The following EVC variants were observed in gnomAD, a reference collection of about 807,000 sequenced individuals.
EVC encodes the protein evC complex member EVC.
In EVC, 116 loss-of-function variants were observed where a neutral mutation model predicts 118.9. The ratio of observed to expected loss-of-function variants is 0.98; its 90% CI spans 0.84 to 1.14. EVC has a LOEUF of 1.14. Among genes scored for constraint, EVC ranks in the 50% most tolerant of loss-of-function variants. The pLI is 0.00. For missense variants in EVC, 1,401 were observed against 1,246.4 expected (o/e 1.12, Z -1.87); for synonymous variants, 619 against 534.7 (o/e 1.16, Z -2.18).
chr4:5,762,050 C>A, intron 11 of EVC, among the ~76,000 whole-genome samples: 1 of 82,208 alleles, frequency 1.2e-5, no homozygotes, highest in East Asian at 5.0e-4. Flanking sequence ...TATCCCTCCC[C>A]CCACCCCCAC....
rs144934860 is a variant in EVC, at chr4:5,730,482, C to T, written c.385-943C>T. Among the ~76,000 whole-genome samples the T allele has an allele frequency of 6.7e-3, 943 of 141,628 alleles. 15 individuals carry two copies. The highest frequency in any genetic ancestry group is 0.023 in the African/African-American group (896 of 39,568). 92.9% of individuals were successfully genotyped at this position (141,628 alleles called of 152,430 possible). ...TCCTTCACGTGGTTGAAGGGTGGGA[C>T]GGGTGGGTGGATGAAGGGCATTTCT... On this transcript the variant is annotated intron_variant, in intron 3 of 20. Transcript: ENST00000264956.
At chr4:5,751,966 A>G (rs1230280055) in intron 8 of EVC, among the ~76,000 whole-genome samples, 1 of 152,122 alleles carries the variant, frequency 6.6e-6, no homozygotes, top group Non-Finnish European at 1.5e-5. Flanking sequence ...CAGGGCAGCA[A>G]CAGGAGGGTT....
chr4:5,808,132 T>TGCCGGG (rs2152386538), intron 17 of EVC, 69 bp from the exon 18 acceptor site: 1 of 464,752 alleles, frequency 2.2e-6, no homozygotes, highest in Non-Finnish European at 4.1e-6. Flanking sequence ...GCCTTCCTTC[T>TGCCGGG]CCCTCCCTCC....
the EVC span, chr4:5,828,594 G>C: frequency 6.2e-7 from 1 of 1,614,164 alleles, no homozygotes; most frequent in East Asian, 2.2e-5. Context: ...CTTCAAAGAC[G>C]ATCTTGCCCT....
At position 5,745,332 on chromosome 4, in the gene EVC, A is replaced by G. The variant is rs776792609; in HGVS notation, c.930A>G (p.Leu310=). ...EKKEREYSEQ[L]IDNMEAFWKQ... ...AGGAGAGAGAATACTCTGAACAGCT[A>G]ATCGATAATGTGCGTGCCAGACTTT... The change falls in exon 7 of 21, where the codon CTA becomes CTG. Residue 310 remains leucine, a synonymous_variant. Coordinates refer to ENST00000264956, the MANE Select transcript of EVC (RefSeq NM_153717.3). The G allele has an allele frequency of 1.2e-6, 2 of 1,613,966 alleles. No individual in the cohort carries two copies. Among genetic ancestry groups the G allele is most frequent in the Non-Finnish European group, 1.7e-6 (2 of 1,179,922 alleles).
Position 5,783,777 on chromosome 4 carries a change from G to C in EVC, c.1776+13G>C. 6.3e-7 allele frequency: 1 copy of C among 1,595,614 alleles called. No individual in the cohort carries two copies. On this transcript the variant is annotated intron_variant, in intron 12 of 20. Coordinates refer to ENST00000264956, the MANE Select transcript of EVC (RefSeq NM_153717.3). ...GCAAGACCAGCAGGTGCGGGCATTTGGGAACCCAGGGGCTGGGGTCTGCAT... is the reference window on the plus strand; with the variant it reads ...GCAAGACCAGCAGGTGCGGGCATTTCGGAACCCAGGGGCTGGGGTCTGCAT...
intron 5 of EVC, among the ~76,000 whole-genome samples, chr4:5,739,619 G>A (rs758236609): frequency 6.6e-6 from 1 of 152,200 alleles, no homozygotes; most frequent in Admixed American, 6.5e-5. Flanking sequence ...ATCTGGCCAT[G>A]TCCTTCTTTT....
Position 5,804,859 on chromosome 4 carries a change from G to A in EVC, c.2561+18G>A, listed in dbSNP as rs778486384. 20 of 1,596,228 alleles carry A rather than the reference G, an allele frequency of 1.3e-5. No individual in the cohort carries two copies. The highest frequency in any genetic ancestry group is 1.5e-5 in the Non-Finnish European group (18 of 1,164,232). ...CACCAGAGGTGAGGTCCCAACTGAG[G>A]TCCCACGTAGGGCTGTTCTCTACCC... On this transcript the variant is annotated intron_variant, in intron 17 of 20. Coordinates refer to ENST00000264956, the MANE Select transcript of EVC (RefSeq NM_153717.3).
At position 5,743,843 on chromosome 4, in the gene EVC, A is replaced by G. The variant is rs992448678; in HGVS notation, c.802-1361A>G. ...TGTTATTTTTGTTTTACAGCTGAAG[A>G]AACTGAGACTCCATAAGTTCAAATG... is the stretch of plus-strand genomic sequence containing the variant. On this transcript the variant is annotated intron_variant, in intron 6 of 20. Transcript: ENST00000264956. This position sits in a 1 kb window ranked among gnomAD's most constrained non-coding sequence, Gnocchi z 4.7. Among the ~76,000 whole-genome samples, 7 of 152,236 alleles carry G rather than the reference A, an allele frequency of 4.6e-5. No homozygotes were observed. The highest frequency in any genetic ancestry group is 1.4e-4 in the African/African-American group (6 of 41,464).
chr4:5,719,328 G>A lies in EVC; in HGVS notation c.255G>A (p.Arg85=). The A allele has an allele frequency of 1.2e-6, 2 of 1,614,204 alleles. No homozygotes were observed. The highest frequency in any genetic ancestry group is 1.7e-6 in the Non-Finnish European group (2 of 1,180,036). Reference sequence around the variant, plus strand: ...CGGAAACTGGCTCCCCATCAAGGAGGAGGAAGAGAGAAGTGCAGATGTCGA... The same window carrying A: ...CGGAAACTGGCTCCCCATCAAGGAGAAGGAAGAGAGAAGTGCAGATGTCGA... ...TPSETGSPSR[R]RKREVQMSKD... The change falls in exon 2 of 21, where the codon AGG becomes AGA. Residue 85 remains arginine, a synonymous_variant. Transcript: ENST00000264956. The surrounding 1 kb of genome is among the most constrained non-coding windows in gnomAD (Gnocchi z 4.7).
chr4:5,798,940 CT>C lies in EVC; in HGVS notation c.2304+149del. 1.1e-6 allele frequency: 1 copy of C among 899,542 alleles called. No homozygotes were observed. Among genetic ancestry groups the C allele is most frequent in the South Asian group, 1.4e-5 (1 of 70,436 alleles). 55.7% of individuals were successfully genotyped at this position (899,542 alleles called of 1,614,324 possible). A position where few individuals can be genotyped will look rare whatever the true frequency, so the allele number is the denominator to read the frequency against. ...CTTCTCCATGACTTGATTTTCTCAT[CT>C]GTAAGGTGGGATCTTCTCCCTCGCA... On this transcript the variant is annotated intron_variant, in intron 15 of 20. Coordinates refer to ENST00000264956, the MANE Select transcript of EVC (RefSeq NM_153717.3). This position sits in a 1 kb window ranked among gnomAD's most constrained non-coding sequence, Gnocchi z 4.1.
At chr4:5,825,245 G>A in the EVC span, 14 of 985,290 alleles carry the variant, frequency 1.4e-5, no homozygotes, top group Non-Finnish European at 1.7e-5. This position sits in a 1 kb window ranked among gnomAD's most constrained non-coding sequence, Gnocchi z 4.4. Flanking sequence ...GGACAATTTT[G>A]GTACCTCTCT....
At chr4:5,809,696 C>A in intron 19 of EVC, 85 bp downstream of exon 19, 1 of 1,215,248 alleles carries the variant, frequency 8.2e-7, no homozygotes, top group Non-Finnish European at 1.2e-6. Context: ...CACTAACTAG[C>A]TGTGTGACCT....
At chr4:5,727,732 T>C (rs1321069363) in intron 2 of EVC, among the ~76,000 whole-genome samples, 2 of 151,778 alleles carry the variant, frequency 1.3e-5, no homozygotes, top group Non-Finnish European at 2.9e-5. Context: ...TTTAATCCTT[T>C]TTGAATTGAT....
Position 5,787,874 on chromosome 4 carries a change from T to A in EVC, c.1776+4110T>A, listed in dbSNP as rs181055257. ...GTTTTCATCATTTCATCACCAAGTC[T>A]GCTCTCCTCTGTGCCGAGCTTTCAG... On this transcript the variant is annotated intron_variant, in intron 12 of 20. Coordinates refer to ENST00000264956, the MANE Select transcript of EVC (RefSeq NM_153717.3). 4.6e-3 allele frequency among the ~76,000 whole-genome samples: 707 copies of A among 152,270 alleles called. 29 individuals carry two copies. Among genetic ancestry groups the A allele is most frequent in the Non-Finnish European group, 9.7e-4 (66 of 68,022 alleles).
At position 5,743,578 on chromosome 4, in the gene EVC, G is replaced by T. The variant is rs564676393; in HGVS notation, c.802-1626G>T. Among the ~76,000 whole-genome samples the T allele has an allele frequency of 3.3e-5, 5 of 151,950 alleles. No individual in the cohort carries two copies. Among genetic ancestry groups the T allele is most frequent in the African/African-American group, 1.2e-4 (5 of 41,346 alleles). ...CTTCATTAGAGTCCTCATTGTCATC[G>T]TCATCGTCCTTGTTCCTACCACTGT... is the stretch of plus-strand genomic sequence containing the variant. On this transcript the variant is annotated intron_variant, in intron 6 of 20. Transcript: ENST00000264956. This position sits in a 1 kb window ranked among gnomAD's most constrained non-coding sequence, Gnocchi z 4.7.
chr4:5,824,574 A>C, the EVC span: 1 of 973,446 alleles, frequency 1.0e-6, no homozygotes, highest in Non-Finnish European at 1.2e-6. Context: ...GGGTCCATTG[A>C]CCAAATCCGG....
chr4:5,773,181 G>T (rs913335454), intron 11 of EVC, among the ~76,000 whole-genome samples: 1 of 152,162 alleles, frequency 6.6e-6, no homozygotes, highest in African/African-American at 2.4e-5. Context: ...TTATCCCAGA[G>T]CGTTCACTTT....
At position 5,719,411 on chromosome 4, in the gene EVC, G is replaced by C. The variant is rs757308339; in HGVS notation, c.300+38G>C. ...TTGATGTTTGTTTGTGGAGGCACATGTGGGAGGTGGGGTATTCCCCCTGGA... is the reference window on the plus strand; with the variant it reads ...TTGATGTTTGTTTGTGGAGGCACATCTGGGAGGTGGGGTATTCCCCCTGGA... On this transcript the variant is annotated intron_variant, in intron 2 of 20. Coordinates refer to ENST00000264956, the MANE Select transcript of EVC (RefSeq NM_153717.3). This position sits in a 1 kb window ranked among gnomAD's most constrained non-coding sequence, Gnocchi z 4.7. 27 of 1,613,528 alleles carry C rather than the reference G, an allele frequency of 1.7e-5. No individual in the cohort carries two copies. Among genetic ancestry groups the C allele is most frequent in the Admixed American group, 1.7e-5 (1 of 60,002 alleles).
Sources: allele counts gnomAD v4.1 joint callset (sites outside exome capture counted in the v4.1 genomes callset), GRCh38; gene constraint gnomAD v4.1.1; non-coding constraint Gnocchi (gnomAD v3.1); transcripts MANE v1.5; gene names NCBI Gene and HGNC (gene_info 2026-07-23, HGNC 2026-07-21).